The following LPA variants were observed in gnomAD, a reference collection of about 807,000 sequenced individuals.
LPA encodes the protein apolipoprotein(a).
A neutral mutation model predicts 197.9 loss-of-function variants in LPA; 199 were observed. The ratio of observed to expected loss-of-function variants is 1.01; its 90% CI spans 0.90 to 1.13. The LOEUF (loss-of-function observed/expected upper bound fraction) is 1.13. Ranked by LOEUF, LPA falls within the 50% of genes most tolerant of loss-of-function variation. The pLI is 0.00. For missense variants in LPA, 1,853 were observed against 1,785.8 expected (o/e 1.04, Z -0.68); for synonymous variants, 715 against 639.5 (o/e 1.12, Z -1.78).
In LPA at chr6:160,540,036, C is replaced by T. The variant is rs1205471259; in HGVS notation, c.5735+7G>A. On this transcript the variant is annotated splice_region_variant and intron_variant, in intron 36 of 38. Transcript: ENST00000316300. ...GCGTGGGGTGAAGACCACAGGTGAG[C>T]GAGTACCTGCTTAGCTTTAGCAAGG... 16 of 1,613,958 alleles carry T rather than the reference C, an allele frequency of 9.9e-6. No homozygotes were observed. The highest frequency in any genetic ancestry group is 2.2e-5 in the East Asian group (1 of 44,856).
At chr6:160,548,908 A>G (rs1325662590) in intron 30 of LPA, among the ~76,000 whole-genome samples, 1 of 152,204 alleles carries the variant, frequency 6.6e-6, no homozygotes, top group African/African-American at 2.4e-5. Context: ...CCGTTCTCAC[A>G]TTGCTATGAG....
intron 17 of LPA, 64 bp downstream of exon 17, chr6:160,606,413 G>C: frequency 6.3e-7 from 1 of 1,586,384 alleles, no homozygotes; most frequent in Non-Finnish European, 8.6e-7. Flanking sequence ...TGCATCAGTG[G>C]GAATTTCCAT....
intron 28 of LPA, among the ~76,000 whole-genome samples, chr6:160,568,479 A>G (rs1583584612): frequency 6.6e-6 from 1 of 152,204 alleles, no homozygotes; most frequent in African/African-American, 2.4e-5. Flanking sequence ...TATTGATGGG[A>G]CATATCTCAA....
Position 160,531,723 on chromosome 6 carries a change from G to T in LPA, c.*6C>A. 1 of 1,613,896 alleles carries T rather than the reference G, an allele frequency of 6.2e-7. No homozygotes were observed. Among genetic ancestry groups the T allele is most frequent in the Non-Finnish European group, 8.5e-7 (1 of 1,179,912 alleles). ...AGGTTGATGCTTCACTCTGTCTCCC[G>T]TCCAATTAATTATTTCTCATCATTC... On this transcript the variant is annotated 3_prime_UTR_variant, in exon 39 of 39. Coordinates refer to ENST00000316300, the MANE Select transcript of LPA (RefSeq NM_005577.4).
intron 1 of LPA, among the ~76,000 whole-genome samples, chr6:160,654,056 TTA>T (rs1280329987): frequency 1.3e-3 from 9 of 6,952 alleles, no homozygotes; most frequent in African/African-American, 3.0e-3. Flanking sequence ...ATATAATATA[TTA>T]TATATATTAT....
chr6:160,593,661 T>A (rs1779073396), intron 22 of LPA, among the ~76,000 whole-genome samples: 1 of 152,208 alleles, frequency 6.6e-6, no homozygotes, highest in East Asian at 1.9e-4. Context: ...TGGTCTTTAG[T>A]GGGCATTGTG....
At chr6:160,591,151 G>A (rs1779022850) in intron 22 of LPA, 50 bp from the exon 23 acceptor site, 1 of 1,606,550 alleles carries the variant, frequency 6.2e-7, no homozygotes, top group Non-Finnish European at 8.5e-7. Context: ...GAAGATACAA[G>A]GGCACCAGAC....
At position 160,650,323 on chromosome 6, in the gene LPA, A is replaced by G; in HGVS notation, c.209+15T>C. On this transcript the variant is annotated intron_variant, in intron 2 of 38. Transcript: ENST00000316300. ...CTTGGACCTTGTTTTGCTTACTGTA[A>G]GATTAATGACATACGCATTTGGGTA... The G allele has an allele frequency of 6.2e-7, 1 of 1,612,496 alleles. No individual in the cohort carries two copies. Among genetic ancestry groups the G allele is most frequent in the Middle Eastern group, 1.9e-4 (1 of 5,384 alleles).
intron 7 of LPA, among the ~76,000 whole-genome samples, chr6:160,634,608 A>G (rs1439928048): frequency 4.0e-5 from 6 of 148,498 alleles, no homozygotes; most frequent in African/African-American, 1.0e-4. Flanking sequence ...AAAGCCTAGG[A>G]CTGAAGAGCC....
At chr6:160,588,743 G>C (rs938624906) in intron 24 of LPA, among the ~76,000 whole-genome samples, 2 of 152,104 alleles carry the variant, frequency 1.3e-5, no homozygotes, top group Non-Finnish European at 2.9e-5. Context: ...AGTTAAGCAA[G>C]ACTGCTGTGG....
At chr6:160,535,257 G>C in intron 37 of LPA, among the ~76,000 whole-genome samples, 1 of 1,968 alleles carries the variant, frequency 5.1e-4, no homozygotes, top group East Asian at 0.014. Context: ...CAGTGATAAT[G>C]GCAGTGGTGA....
chr6:160,551,739 T>A (rs1292779503), intron 30 of LPA, among the ~76,000 whole-genome samples: 1 of 152,180 alleles, frequency 6.6e-6, no homozygotes, highest in Non-Finnish European at 1.5e-5. Context: ...GTTCTGCTTT[T>A]GTTTTGTATC....
intron 23 of LPA, 66 bp downstream of exon 23, chr6:160,590,878 T>G (rs1403267580): frequency 6.2e-7 from 1 of 1,603,056 alleles, no homozygotes; most frequent in African/African-American, 1.3e-5. Context: ...TCTGTATCAC[T>G]AAGATTTTGC....
At chr6:160,598,604 G>A (rs1243448368) in intron 20 of LPA, among the ~76,000 whole-genome samples, 1 of 152,170 alleles carries the variant, frequency 6.6e-6, no homozygotes, top group Admixed American at 6.5e-5. Flanking sequence ...GCCATAGAAT[G>A]GCCAGATCAT....
intron 1 of LPA, among the ~76,000 whole-genome samples, chr6:160,654,037 A>ATAT (rs1780074456): frequency 8.4e-5 from 1 of 11,938 alleles, no homozygotes; most frequent in Non-Finnish European, 1.3e-4. Context: ...AATATATATT[A>ATAT]TATATAATAT....
At chr6:160,650,009 A>T (rs1331951373) in intron 2 of LPA, among the ~76,000 whole-genome samples, 1 of 152,216 alleles carries the variant, frequency 6.6e-6, no homozygotes, top group East Asian at 1.9e-4. Context: ...ATTGGAGATT[A>T]GAATTATAGA....
chr6:160,565,985 G>C (rs1207110130), intron 28 of LPA, among the ~76,000 whole-genome samples: 2 of 152,088 alleles, frequency 1.3e-5, no homozygotes, highest in Admixed American at 1.3e-4. Flanking sequence ...GAGAAAAAAA[G>C]GAGTAAAAAG....
At chr6:160,655,789 A>G (rs1413811149) in intron 1 of LPA, among the ~76,000 whole-genome samples, 2 of 152,186 alleles carry the variant, frequency 1.3e-5, no homozygotes, top group African/African-American at 2.4e-5. Flanking sequence ...GTATCCAATC[A>G]TCATAATGTC....
intron 28 of LPA, among the ~76,000 whole-genome samples, chr6:160,565,575 C>A (rs1238595508): frequency 6.6e-6 from 1 of 152,130 alleles, no homozygotes; most frequent in Non-Finnish European, 1.5e-5. Context: ...TGGGGAGAAA[C>A]CAGAGCAGAA....
Sources: gnomAD v4.1 joint callset for allele counts (sites outside exome capture counted in the v4.1 genomes callset) on GRCh38, gnomAD v4.1.1 for gene constraint, MANE v1.5 for transcripts, NCBI Gene and HGNC (gene_info 2026-07-23, HGNC 2026-07-21) for gene names.